The following LAMP2 variants were observed in gnomAD, a reference collection of about 807,000 sequenced individuals.
LAMP2 encodes the protein lysosome associated membrane protein 2, also known as lysosome-associated membrane glycoprotein 2.
In LAMP2, 4 loss-of-function variants were observed where a neutral mutation model predicts 25.6. That is an observed-to-expected ratio of 0.16 (90% confidence interval 0.08 to 0.36). The LOEUF (loss-of-function observed/expected upper bound fraction) is 0.36. LAMP2 is among the 10% of genes least tolerant of loss of function. LAMP2 has a pLI of 1.00. For missense variants in LAMP2, 272 were observed against 301.4 expected, an observed-to-expected ratio of 0.90 and a Z score of 0.72; for synonymous variants, 108 against 112.7, an observed-to-expected ratio of 0.96 and a Z score of 0.27.
intron 1 of LAMP2, among the ~76,000 whole-genome samples, chrX:120,459,963 C>A (rs1212300985): frequency 1.8e-5 from 2 of 111,850 alleles, no homozygotes; most frequent in Admixed American, 1.9e-4. Context: ...GAAAATAAAG[C>A]TAGAGAAAAG....
chrX:120,431,870 C>T (rs973071397), intron 8 of LAMP2, among the ~76,000 whole-genome samples: 1 of 111,964 alleles, frequency 8.9e-6, no homozygotes, highest in Non-Finnish European at 1.9e-5. Context: ...ACTGAATGAA[C>T]AACTATACAA....
At chrX:120,439,013 T>C in intron 8 of LAMP2, 1 of 1,091,806 alleles carries the variant, frequency 9.2e-7, no homozygotes, top group Non-Finnish European at 1.2e-6. Flanking sequence ...TGATAGTTTT[T>C]TGTTTAAGTT....
chrX:120,430,585 A>G lies in LAMP2; in HGVS notation c.*738T>C. ...AAAGCAAGTGGCTAAATATGCTTGG[A>G]TCTTTTCAGTCTATATTGCTGAAAA... On this transcript the variant is annotated 3_prime_UTR_variant, in exon 9 of 9. Transcript: ENST00000200639. 1.3e-6 allele frequency: 1 copy of G among 754,170 alleles called. No individual in the cohort carries two copies. Among genetic ancestry groups the G allele is most frequent in the Non-Finnish European group, 1.6e-6 (1 of 638,839 alleles). The allele number at this position is 754,170 out of a possible 1,213,427, so 62.2% of individuals were successfully genotyped here. A position where few individuals can be genotyped will look rare whatever the true frequency, so the allele number is the denominator to read the frequency against.
At chrX:120,453,051 G>A (rs1435580252) in intron 3 of LAMP2, among the ~76,000 whole-genome samples, 4 of 111,024 alleles carry the variant, frequency 3.6e-5, no homozygotes, top group Non-Finnish European at 7.5e-5. Flanking sequence ...TGAGCTCAAT[G>A]TTTTCCAATT....
chrX:120,443,817 TA>T (rs1237843285), intron 6 of LAMP2, among the ~76,000 whole-genome samples: 2 of 110,872 alleles, frequency 1.8e-5, no homozygotes, highest in Non-Finnish European at 3.8e-5. Flanking sequence ...CCGTCTCTAT[TA>T]AAAATACAAA....
chrX:120,439,363 G>T, intron 8 of LAMP2: 1 of 1,034,259 alleles, frequency 9.7e-7, no homozygotes, highest in Non-Finnish European at 1.4e-6. Flanking sequence ...AGTCAAAGAT[G>T]TTGATTTAAA....
chrX:120,452,506 TGGGAACAC>T (rs1055997445), intron 3 of LAMP2, among the ~76,000 whole-genome samples: 2 of 111,495 alleles, frequency 1.8e-5, no homozygotes, highest in African/African-American at 6.5e-5. Context: ...GGACCACTTG[TGGGAACAC>T]GGGAACACTT....
At chrX:120,466,920 G>A (rs1454701714) in intron 1 of LAMP2, among the ~76,000 whole-genome samples, 1 of 102,248 alleles carries the variant, frequency 9.8e-6, no homozygotes, top group African/African-American at 3.6e-5. Flanking sequence ...TTGGCTCACC[G>A]CAACCTCCGC....
In LAMP2 at chrX:120,439,198, C is replaced by A. The variant is rs730880488; in HGVS notation, c.1093+2532G>T. Reference sequence around the variant, plus strand: ...GCATAACTTTTTCTTCTGCCAATTACGTAAGCAATCACTATAACGATAATC... The same window carrying A: ...GCATAACTTTTTCTTCTGCCAATTAAGTAAGCAATCACTATAACGATAATC... On this transcript the variant is annotated intron_variant, in intron 8 of 8. Coordinates refer to ENST00000200639, the MANE Select transcript of LAMP2 (RefSeq NM_002294.3). 8.3e-7 allele frequency: 1 copy of A among 1,208,351 alleles called. No individual in the cohort carries two copies.
chrX:120,465,529 T>C (rs1921500354), intron 1 of LAMP2, among the ~76,000 whole-genome samples: 1 of 112,208 alleles, frequency 8.9e-6, no homozygotes, highest in Non-Finnish European at 1.9e-5. Context: ...TTCATCCAAA[T>C]AAACACCAGC....
rs760657814 is a variant in LAMP2, at chrX:120,426,700, T to C, written c.*4623A>G. Reference sequence around the variant, plus strand: ...AAGCTGATTTTATTAATCTGGCTTCTAGATAATCATCTCAAAAATATGTAT... The same window carrying C: ...AAGCTGATTTTATTAATCTGGCTTCCAGATAATCATCTCAAAAATATGTAT... On this transcript the variant is annotated 3_prime_UTR_variant, in exon 9 of 9. Coordinates refer to ENST00000200639, the MANE Select transcript of LAMP2 (RefSeq NM_002294.3). 1.8e-5 allele frequency among the ~76,000 whole-genome samples: 2 copies of C among 112,195 alleles called. No homozygotes were observed. Among genetic ancestry groups the C allele is most frequent in the Non-Finnish European group, 3.8e-5 (2 of 53,169 alleles).
chrX:120,467,173 C>A (rs368312213), intron 1 of LAMP2, among the ~76,000 whole-genome samples: 9 of 108,274 alleles, frequency 8.3e-5, no homozygotes, highest in African/African-American at 3.0e-4. Context: ...AACCTTATTC[C>A]GAAGTTTTGA....
At chrX:120,437,412 CAAAAAA>C (rs10565432) in intron 8 of LAMP2, 1 of 472,736 alleles carries the variant, frequency 2.1e-6, no homozygotes, top group African/African-American at 3.0e-5. Context: ...AATCCCACCA[CAAAAAA>C]AAAAAAAACA....
At position 120,430,393 on chromosome X, in the gene LAMP2, A is replaced by G. The variant is rs2058518126; in HGVS notation, c.*930T>C. On this transcript the variant is annotated 3_prime_UTR_variant, in exon 9 of 9. Transcript: ENST00000200639. Reference sequence around the variant, plus strand: ...CCTTCTGAGATTGCTGTTAGCTTACATTTCATAAGTACCACACTGATGACA... The same window carrying G: ...CCTTCTGAGATTGCTGTTAGCTTACGTTTCATAAGTACCACACTGATGACA... 1.1e-5 allele frequency: 8 copies of G among 752,590 alleles called. No individual in the cohort carries two copies. The South Asian group carries it at 5.4e-4, about 51-fold the overall frequency. 62.0% of individuals were successfully genotyped at this position (752,590 alleles called of 1,213,427 possible). A position where few individuals can be genotyped will look rare whatever the true frequency, so the allele number is the denominator to read the frequency against.
chrX:120,449,143 T>G lies in LAMP2; in HGVS notation c.398-15A>C. On this transcript the variant is annotated splice_polypyrimidine_tract_variant and intron_variant, in intron 3 of 8. Transcript: ENST00000200639. ...AGTAAGAATTCCTATAAAACAAGAT[T>G]AACAATGGCTATTTCCAAGAAGGTA... 1 of 1,157,104 alleles carries G rather than the reference T, an allele frequency of 8.6e-7. No homozygotes were observed. Among genetic ancestry groups the G allele is most frequent in the Non-Finnish European group, 1.2e-6 (1 of 846,679 alleles).
At chrX:120,437,800 A>G (rs1237730074) in intron 8 of LAMP2, 1 of 750,721 alleles carries the variant, frequency 1.3e-6, no homozygotes, top group African/African-American at 2.3e-5. Flanking sequence ...TTTTTAATGG[A>G]TTAAGATAAA....
intron 1 of LAMP2, among the ~76,000 whole-genome samples, chrX:120,464,973 C>T (rs1258157695): frequency 4.5e-5 from 5 of 111,464 alleles, no homozygotes; most frequent in Non-Finnish European, 7.5e-5. Flanking sequence ...GAACTCCTGA[C>T]CTCAGGTGAT....
chrX:120,469,078 G>A, intron 1 of LAMP2, 28 bp downstream of exon 1: 13 of 1,202,369 alleles, frequency 1.1e-5, no homozygotes, highest in Non-Finnish European at 1.4e-5. Context: ...CAGGCGGACA[G>A]ACTAATCGGG....
chrX:120,464,876 C>A (rs950499122), intron 1 of LAMP2, among the ~76,000 whole-genome samples: 1 of 111,282 alleles, frequency 9.0e-6, no homozygotes, highest in Non-Finnish European at 1.9e-5. Context: ...CTCAGCCTCC[C>A]GAGTAGCTGG....
Sources: allele counts gnomAD v4.1 joint callset (sites outside exome capture counted in the v4.1 genomes callset), GRCh38; gene constraint gnomAD v4.1.1; transcripts MANE v1.5; gene names NCBI Gene and HGNC (gene_info 2026-07-23, HGNC 2026-07-21).